GPC5: variants seen among roughly 807,000 people sequenced by gnomAD.
The protein encoded by GPC5 is glypican 5.
Under a neutral mutation model 53.9 loss-of-function variants are expected in GPC5, and 47 were observed. That is an observed-to-expected ratio of 0.87 (90% CI 0.69 to 1.11). The LOEUF is 1.11. GPC5 is among the 50% of genes most tolerant of loss of function. The probability of loss-of-function intolerance (pLI) is 0.00; values close to 1 mark genes in which losing one functional copy is unlikely to be tolerated. For missense variants in GPC5, 748 were observed against 713.1 expected, an observed-to-expected ratio of 1.05 and a Z score of -0.56; for synonymous variants, 286 against 263.3, an observed-to-expected ratio of 1.09 and a Z score of -0.84.
intron 7 of GPC5, among the ~76,000 whole-genome samples, chr13:92,765,751 A>T (rs1875380078): frequency 6.6e-6 from 1 of 152,184 alleles, no homozygotes. Flanking sequence ...TTTACCCATG[A>T]TAACATTTGA....
intron 7 of GPC5, among the ~76,000 whole-genome samples, chr13:92,289,894 G>A (rs1194531247): frequency 1.3e-5 from 2 of 151,938 alleles, no homozygotes; most frequent in African/African-American, 2.4e-5. Flanking sequence ...ATTTTTCAAA[G>A]AGACCTAACA....
chr13:91,902,614 C>G (rs1236020773), intron 5 of GPC5, among the ~76,000 whole-genome samples: 2 of 151,962 alleles, frequency 1.3e-5, no homozygotes, highest in East Asian at 3.9e-4. Context: ...TATTTCAAGT[C>G]AAGAGACTTC....
intron 2 of GPC5, among the ~76,000 whole-genome samples, chr13:91,584,530 A>G (rs1432571709): frequency 6.6e-6 from 1 of 152,164 alleles, no homozygotes; most frequent in African/African-American, 2.4e-5. Flanking sequence ...TTAGAAAGAC[A>G]TAAAATTCAT....
chr13:92,365,423 T>C lies in GPC5; in HGVS notation c.1561+220434T>C, dbSNP rs1417471194. Among the ~76,000 whole-genome samples, 4 of 151,544 alleles carry C rather than the reference T, an allele frequency of 2.6e-5. No individual in the cohort carries two copies. In the East Asian group the frequency reaches 7.7e-4, roughly 29 times the overall value. ...GGCAGGTTAATGAGTGAGTGGTGAG[T>C]GGATGGGAAGGCCTAGGACACTACA... On this transcript the variant is annotated intron_variant, in intron 7 of 7. Coordinates refer to ENST00000377067, the MANE Select transcript of GPC5 (RefSeq NM_004466.6).
intron 7 of GPC5, among the ~76,000 whole-genome samples, chr13:92,335,013 G>A (rs1008509815): frequency 2.0e-5 from 3 of 152,100 alleles, no homozygotes; most frequent in African/African-American, 7.2e-5. Flanking sequence ...GGGTCTGGAG[G>A]ATGGTGGCCT....
intron 7 of GPC5, among the ~76,000 whole-genome samples, chr13:92,710,811 G>T (rs1888109352): frequency 6.6e-6 from 1 of 152,252 alleles, no homozygotes; most frequent in East Asian, 1.9e-4. Flanking sequence ...AAGCAAATAA[G>T]AAATCCTTTA....
Position 92,826,429 on chromosome 13 carries a change from C to A in GPC5, c.1562-39853C>A, listed in dbSNP as rs7328862. Among the ~76,000 whole-genome samples the A allele has an allele frequency of 6.6e-3, 1,006 of 152,178 alleles. 15 individuals are homozygous for A. Among genetic ancestry groups the A allele is most frequent in the African/African-American group, 0.023 (954 of 41,516 alleles). ...CCCTGAGTCTCAGATAAGACCACAGCCCCAGACAACATATAAATTGCTGCC... is the reference window on the plus strand; with the variant it reads ...CCCTGAGTCTCAGATAAGACCACAGACCCAGACAACATATAAATTGCTGCC... On this transcript the variant is annotated intron_variant, in intron 7 of 7. Coordinates refer to ENST00000377067, the MANE Select transcript of GPC5 (RefSeq NM_004466.6).
intron 2 of GPC5, among the ~76,000 whole-genome samples, chr13:91,516,702 C>A (rs547054815): frequency 1.3e-5 from 2 of 152,348 alleles, no homozygotes; most frequent in South Asian, 4.1e-4. Context: ...TCTGACCCCA[C>A]ATTTCCCTTC....
chr13:91,694,448 G>A (rs1216246104), intron 3 of GPC5, among the ~76,000 whole-genome samples: 2 of 152,204 alleles, frequency 1.3e-5, no homozygotes, highest in Non-Finnish European at 2.9e-5. Flanking sequence ...CTGTCACAGT[G>A]ATGGCGTGAT....
chr13:91,700,041 T>A (rs1433781576), intron 3 of GPC5, among the ~76,000 whole-genome samples: 1 of 152,212 alleles, frequency 6.6e-6, no homozygotes, highest in Non-Finnish European at 1.5e-5. Flanking sequence ...TGATACTCTG[T>A]TGAGGTAGTT....
intron 6 of GPC5, among the ~76,000 whole-genome samples, chr13:91,934,860 T>C (rs529138005): frequency 6.6e-6 from 1 of 151,978 alleles, no homozygotes; most frequent in South Asian, 2.1e-4. Context: ...CATACCAACA[T>C]TGACCACAAG....
At chr13:92,314,574 A>T (rs2043166124) in intron 7 of GPC5, among the ~76,000 whole-genome samples, 1 of 152,254 alleles carries the variant, frequency 6.6e-6, no homozygotes, top group African/African-American at 2.4e-5. Context: ...CTGGGGCAGC[A>T]AATGGAAAAA....
intron 2 of GPC5, among the ~76,000 whole-genome samples, chr13:91,514,045 C>T (rs1265245231): frequency 2.0e-5 from 3 of 152,166 alleles, no homozygotes; most frequent in Admixed American, 6.5e-5. Flanking sequence ...AACCATTCAC[C>T]TGTAAAAAGC....
chr13:91,867,844 A>G (rs955619551), intron 5 of GPC5, among the ~76,000 whole-genome samples: 1 of 152,220 alleles, frequency 6.6e-6, no homozygotes, highest in African/African-American at 2.4e-5. Flanking sequence ...AGCATTTCAA[A>G]TAAAAGGGAT....
intron 5 of GPC5, among the ~76,000 whole-genome samples, chr13:91,858,854 T>G (rs1305588031): frequency 2.6e-5 from 4 of 151,970 alleles, no homozygotes; most frequent in Non-Finnish European, 5.9e-5. Flanking sequence ...TTTACAGGTT[T>G]TGGATTTCTT....
chr13:91,969,609 G>A (rs747774891), intron 6 of GPC5, among the ~76,000 whole-genome samples: 1 of 152,090 alleles, frequency 6.6e-6, no homozygotes, highest in African/African-American at 2.4e-5. Flanking sequence ...GAAAACATTT[G>A]CAAACCATAT....
At chr13:92,136,608 C>T (rs755926848) in intron 6 of GPC5, among the ~76,000 whole-genome samples, 3 of 152,090 alleles carry the variant, frequency 2.0e-5, no homozygotes, top group Non-Finnish European at 4.4e-5. Context: ...ATTTACTTCT[C>T]ATATATCTGT....
At position 91,411,731 on chromosome 13, in the gene GPC5, T is replaced by C. The variant is rs115355173; in HGVS notation, c.163+12522T>C. Among the ~76,000 whole-genome samples the C allele has an allele frequency of 2.3e-3, 343 of 152,332 alleles. 1 individual carries two copies. The highest frequency in any genetic ancestry group is 7.6e-3 in the African/African-American group (315 of 41,582). Reference sequence around the variant, plus strand: ...GCTAGGGAATATTGCATGATCCTTATAGCTTTCCTATATCCTGCTCTTTAT... The same window carrying C: ...GCTAGGGAATATTGCATGATCCTTACAGCTTTCCTATATCCTGCTCTTTAT... On this transcript the variant is annotated intron_variant, in intron 1 of 7. Transcript: ENST00000377067.
At chr13:91,804,472 T>C (rs963864479) in intron 5 of GPC5, among the ~76,000 whole-genome samples, 14 of 152,226 alleles carry the variant, frequency 9.2e-5, no homozygotes, top group Non-Finnish European at 1.9e-4. Context: ...TCATAACACA[T>C]AATTTGGAAA....
Sources: gnomAD v4.1 joint callset for allele counts (sites outside exome capture counted in the v4.1 genomes callset) on GRCh38, gnomAD v4.1.1 for gene constraint, MANE v1.5 for transcripts, NCBI Gene and HGNC (gene_info 2026-07-23, HGNC 2026-07-21) for gene names.